The following PAXBP1 variants were observed in gnomAD, a reference collection of about 807,000 sequenced individuals.
The protein encoded by PAXBP1 is PAX3- and PAX7-binding protein 1.
PAXBP1 carries 44 observed loss-of-function variants against 119.9 expected under a neutral mutation model. The ratio of observed to expected loss-of-function variants is 0.37; its 90% CI spans 0.29 to 0.47. The LOEUF is 0.47. Ranked by LOEUF, PAXBP1 falls within the 20% of genes least tolerant of loss-of-function variation. PAXBP1 has a pLI of 0.99. For missense variants in PAXBP1, 898 were observed against 1,134.1 expected (o/e 0.79, Z 2.99); for synonymous variants, 393 against 406.6 (o/e 0.97, Z 0.40).
intron 6 of PAXBP1, 66 bp from the exon 7 acceptor site, chr21:32,759,335 G>T (rs2044097272): frequency 2.1e-6 from 3 of 1,428,258 alleles, no homozygotes; most frequent in East Asian, 4.6e-5. Context: ...CAGGACTCTT[G>T]CAATATTAAA....
At chr21:32,750,239 A>AAC (rs1426414276) in intron 10 of PAXBP1, among the ~76,000 whole-genome samples, 1 of 152,198 alleles carries the variant, frequency 6.6e-6, no homozygotes. Context: ...TGGTTCAGCA[A>AAC]ACACACACAT....
At chr21:32,750,778 A>G in intron 10 of PAXBP1, 139 bp downstream of exon 10, 1 of 625,364 alleles carries the variant, frequency 1.6e-6, no homozygotes, top group Non-Finnish European at 2.7e-6. Context: ...ATAAAAAGGC[A>G]TGCAAATTTC....
intron 5 of PAXBP1, among the ~76,000 whole-genome samples, chr21:32,760,675 T>C (rs1334692905): frequency 1.3e-5 from 2 of 152,112 alleles, no homozygotes; most frequent in African/African-American, 4.8e-5. Context: ...TCAACAAAGA[T>C]TGCTGGCCCC....
intron 7 of PAXBP1, chr21:32,756,619 C>A: frequency 3.7e-6 from 1 of 266,922 alleles, no homozygotes; most frequent in Non-Finnish European, 7.2e-6. Flanking sequence ...TTTTTTTTAG[C>A]AATTACTGCC....
intron 13 of PAXBP1, among the ~76,000 whole-genome samples, chr21:32,744,277 G>GAAAAAAAAAAAAAAAAAAAAAAAAA (rs1328463759): frequency 9.3e-6 from 1 of 107,274 alleles, no homozygotes; most frequent in South Asian, 3.4e-4. Context: ...AAAAAAAAAA[G>GAAAAAAAAAAAAAAAAAAAAAAAAA]AAAAAAAAAA....
intron 8 of PAXBP1, 26 bp from the exon 9 acceptor site, chr21:32,751,244 A>G (rs1404040088): frequency 6.2e-7 from 1 of 1,604,908 alleles, no homozygotes; most frequent in Admixed American, 1.7e-5. Context: ...AGTTAAAATT[A>G]AAAGCCATCT....
chr21:32,749,281 G>A (rs2043922702), intron 10 of PAXBP1, among the ~76,000 whole-genome samples: 1 of 150,592 alleles, frequency 6.6e-6, no homozygotes, highest in Non-Finnish European at 1.5e-5. Context: ...TGCAATCTCT[G>A]CCTCCCAGGT....
intron 11 of PAXBP1, among the ~76,000 whole-genome samples, chr21:32,748,131 A>G (rs2043902797): frequency 6.6e-6 from 1 of 151,842 alleles, no homozygotes; most frequent in African/African-American, 2.4e-5. Context: ...TCATGTCCTC[A>G]TTTCACACCT....
chr21:32,741,423 G>A, intron 15 of PAXBP1: 1 of 542,390 alleles, frequency 1.8e-6, no homozygotes, highest in South Asian at 2.9e-5. Flanking sequence ...CAAAGATGGA[G>A]GAGAAATTGT....
intron 8 of PAXBP1, among the ~76,000 whole-genome samples, chr21:32,754,546 A>G (rs937964355): frequency 6.6e-6 from 1 of 152,234 alleles, no homozygotes; most frequent in Non-Finnish European, 1.5e-5. Flanking sequence ...GAACTATTTA[A>G]CAAGAGGTTT....
chr21:32,766,945 C>T (rs1039872670), intron 2 of PAXBP1, among the ~76,000 whole-genome samples: 5 of 152,174 alleles, frequency 3.3e-5, no homozygotes, highest in Non-Finnish European at 5.9e-5. Context: ...CTTCTCTTTT[C>T]CTCTTTGGCC....
chr21:32,763,467 C>G (rs2044184408), intron 3 of PAXBP1, among the ~76,000 whole-genome samples: 2 of 152,146 alleles, frequency 1.3e-5, no homozygotes, highest in African/African-American at 4.8e-5. Context: ...AAGGACTGTA[C>G]CAATCAGACT....
intron 8 of PAXBP1, among the ~76,000 whole-genome samples, chr21:32,753,567 T>G (rs2043996692): frequency 6.6e-6 from 1 of 152,228 alleles, no homozygotes; most frequent in Non-Finnish European, 1.5e-5. Context: ...TTATACACAG[T>G]AATTGCAGAT....
At chr21:32,757,199 T>C (rs1181183214) in intron 7 of PAXBP1, among the ~76,000 whole-genome samples, 1 of 152,166 alleles carries the variant, frequency 6.6e-6, no homozygotes, top group East Asian at 1.9e-4. Context: ...CTCTGAAATA[T>C]TATTATAGTA....
chr21:32,757,429 C>T (rs990054363), intron 7 of PAXBP1, among the ~76,000 whole-genome samples: 10 of 152,188 alleles, frequency 6.6e-5, no homozygotes, highest in Middle Eastern at 3.4e-3. Flanking sequence ...TTAATTAAAA[C>T]GTAGTCACTG....
In PAXBP1 at chr21:32,743,659, GTTC is replaced by G; in HGVS notation, c.2267+16_2267+18del. The G allele has an allele frequency of 6.7e-7, 1 of 1,489,726 alleles. No individual in the cohort carries two copies. Among genetic ancestry groups the G allele is most frequent in the Non-Finnish European group, 9.3e-7 (1 of 1,074,674 alleles). 92.3% of individuals were successfully genotyped at this position (1,489,726 alleles called of 1,614,324 possible). A position where few individuals can be genotyped will look rare whatever the true frequency, so the allele number is the denominator to read the frequency against. On this transcript the variant is annotated intron_variant, in intron 14 of 17. Transcript: ENST00000331923. ...CACAATGGAGAATATTATCTTTAATGTTCTTCAGAGTTACTTACTTTTTGGGAT... is the reference window on the plus strand; with the variant it reads ...CACAATGGAGAATATTATCTTTAATGTTCAGAGTTACTTACTTTTTGGGAT...
In PAXBP1 at chr21:32,771,680, G is replaced by A. The variant is rs749699528; in HGVS notation, c.-12C>T. ...GCCTTTCGGAACATCCCCGCGGCCC[G>A]CACGGCGGTCGAATACTCGCTTCCA... On this transcript the variant is annotated 5_prime_UTR_variant, in exon 1 of 18. Transcript: ENST00000331923. 7 of 1,391,222 alleles carry A rather than the reference G, an allele frequency of 5.0e-6. No individual in the cohort carries two copies. Among genetic ancestry groups the A allele is most frequent in the Non-Finnish European group, 6.5e-6 (7 of 1,077,382 alleles). The allele number at this position is 1,391,222 out of a possible 1,614,324, so 86.2% of individuals were successfully genotyped here.
At chr21:32,745,356 G>A (rs1248542327) in intron 12 of PAXBP1, among the ~76,000 whole-genome samples, 2 of 152,128 alleles carry the variant, frequency 1.3e-5, no homozygotes, top group African/African-American at 2.4e-5. Context: ...CCTCACCTAT[G>A]AAGCAATTAC....
intron 4 of PAXBP1, among the ~76,000 whole-genome samples, 166 bp downstream of exon 4, chr21:32,761,930 C>T (rs571416326): frequency 1.3e-5 from 2 of 152,086 alleles, no homozygotes; most frequent in South Asian, 2.1e-4. Context: ...CCCAGCTACT[C>T]GAGAGGCTGA....
Sources: allele counts gnomAD v4.1 joint callset (sites outside exome capture counted in the v4.1 genomes callset), GRCh38; gene constraint gnomAD v4.1.1; transcripts MANE v1.5; gene names NCBI Gene and HGNC (gene_info 2026-07-23, HGNC 2026-07-21).